The following KDM2B variants were observed in gnomAD, a reference collection of about 807,000 sequenced individuals.
KDM2B encodes the protein lysine-specific demethylase 2B.
A neutral mutation model predicts 150.0 loss-of-function variants in KDM2B; 26 were observed. The observed-to-expected ratio is 0.17, with a 90% CI of 0.13 to 0.24. KDM2B has a LOEUF of 0.24. Ranked by LOEUF, KDM2B falls within the 10% of genes least tolerant of loss-of-function variation. KDM2B has a pLI of 1.00. For synonymous variants in KDM2B, 734 were observed against 729.5 expected (o/e 1.01, Z -0.10); for missense variants, 1,265 against 1,816.9 (o/e 0.70, Z 5.52).
In KDM2B at chr12:121,513,193, G is replaced by C. The variant is rs1052557559; in HGVS notation, c.1174+83C>G. ...GATTCAACGAATCCCCAAAACTCAGGGAGTGTCTCCAGGCCCCACTGAGAA... is the reference window on the plus strand; with the variant it reads ...GATTCAACGAATCCCCAAAACTCAGCGAGTGTCTCCAGGCCCCACTGAGAA... On this transcript the variant is annotated intron_variant, in intron 10 of 22. Coordinates refer to ENST00000377071, the MANE Select transcript of KDM2B (RefSeq NM_032590.5). The surrounding 1 kb of genome is among the most constrained non-coding windows in gnomAD (Gnocchi z 5.0). The C allele has an allele frequency of 1.9e-5, 28 of 1,503,398 alleles. No homozygotes were observed. Among genetic ancestry groups the C allele is most frequent in the Non-Finnish European group, 2.6e-5 (28 of 1,091,908 alleles). The allele number at this position is 1,503,398 out of a possible 1,614,324, so 93.1% of individuals were successfully genotyped here.
chr12:121,513,231 C>T lies in KDM2B; in HGVS notation c.1174+45G>A. The T allele has an allele frequency of 6.3e-7, 1 of 1,598,678 alleles. No homozygotes were observed. The highest frequency in any genetic ancestry group is 8.6e-7 in the Non-Finnish European group (1 of 1,168,110). On this transcript the variant is annotated intron_variant, in intron 10 of 22. Transcript: ENST00000377071. This position sits in a 1 kb window ranked among gnomAD's most constrained non-coding sequence, Gnocchi z 5.0. Reference sequence around the variant, plus strand: ...GCCCCACTGAGAAAATGATTTCTGCCCCAGCTGTGCAGCCGAGGCCGTGGG... The same window carrying T: ...GCCCCACTGAGAAAATGATTTCTGCTCCAGCTGTGCAGCCGAGGCCGTGGG...
intron 19 of KDM2B, among the ~76,000 whole-genome samples, chr12:121,441,551 C>T (rs782811514): frequency 2.6e-5 from 4 of 152,186 alleles, no homozygotes; most frequent in Non-Finnish European, 5.9e-5. Flanking sequence ...ATTCTCCTGC[C>T]TCAGCCTCCC....
chr12:121,498,871 G>A (rs886973537), intron 11 of KDM2B, among the ~76,000 whole-genome samples: 6 of 151,872 alleles, frequency 4.0e-5, no homozygotes, highest in African/African-American at 9.7e-5. Flanking sequence ...TGAGTGCTGC[G>A]GTGTGATCAC....
intron 11 of KDM2B, among the ~76,000 whole-genome samples, chr12:121,505,477 A>C (rs1884986897): frequency 6.6e-6 from 1 of 151,960 alleles, no homozygotes. Context: ...CTGTCTCTAC[A>C]AAAAAGCTGT....
chr12:121,502,678 T>A (rs1884678078), intron 11 of KDM2B, among the ~76,000 whole-genome samples: 1 of 148,154 alleles, frequency 6.7e-6, no homozygotes, highest in East Asian at 2.0e-4. Flanking sequence ...TCCCAGCAGT[T>A]TGAGAGGCTG....
chr12:121,516,960 G>C lies in KDM2B; in HGVS notation c.1048-3558C>G. The C allele has an allele frequency of 4.7e-6, 3 of 632,590 alleles. No individual in the cohort carries two copies. The South Asian group carries it at 5.6e-5, about 12-fold the overall frequency. The allele number at this position is 632,590 out of a possible 1,614,324, so 39.2% of individuals were successfully genotyped here. A position where few individuals can be genotyped will look rare whatever the true frequency, so the allele number is the denominator to read the frequency against. ...GTAAATTATTTGCAATTTCCAAATA[G>C]ATTCAGTGGCTGTAAGGGAATGGGG... On this transcript the variant is annotated intron_variant, in intron 9 of 22. Coordinates refer to ENST00000377071, the MANE Select transcript of KDM2B (RefSeq NM_032590.5).
intron 4 of KDM2B, among the ~76,000 whole-genome samples, chr12:121,563,820 C>T (rs1378403095): frequency 5.3e-5 from 8 of 151,686 alleles, no homozygotes; most frequent in African/African-American, 1.7e-4. Flanking sequence ...TCACTTGAAC[C>T]TGGGAGGCAG....
At chr12:121,477,384 T>G (rs1333469586) in intron 12 of KDM2B, among the ~76,000 whole-genome samples, 1 of 151,950 alleles carries the variant, frequency 6.6e-6, no homozygotes, top group East Asian at 1.9e-4. Flanking sequence ...TGTATGTATA[T>G]ATGTATTTAT....
Position 121,429,867 on chromosome 12 carries a change from TC to T in KDM2B, c.*420del. The T allele has an allele frequency of 1.7e-6, 1 of 571,868 alleles. No homozygotes were observed. The highest frequency in any genetic ancestry group is 3.2e-5 in the Admixed American group (1 of 31,504). The allele number at this position is 571,868 out of a possible 1,614,324, so 35.4% of individuals were successfully genotyped here. ...AAAACCAACCAAACAAAAAAAAGTG[TC>T]AAGACGGCAGCAGATGTGGTGTGTG... is the stretch of plus-strand genomic sequence containing the variant. On this transcript the variant is annotated 3_prime_UTR_variant, in exon 23 of 23. Coordinates refer to ENST00000377071, the MANE Select transcript of KDM2B (RefSeq NM_032590.5).
chr12:121,572,883 T>C lies in KDM2B; in HGVS notation c.397+1664A>G, dbSNP rs368980532. ...CTCCGTCACCCAGGCTGGAGTGCAG[T>C]GGCACGATCTCGGCTCACCACAACC... On this transcript the variant is annotated intron_variant, in intron 4 of 22. Transcript: ENST00000377071. Among the ~76,000 whole-genome samples the C allele has an allele frequency of 3.6e-4, 53 of 148,380 alleles. No homozygotes were observed. In the East Asian group the frequency reaches 0.01, roughly 28 times the overall value.
chr12:121,579,965 T>TAAAA, intron 1 of KDM2B: 3 of 1,306,632 alleles, frequency 2.3e-6, no homozygotes, highest in Non-Finnish European at 3.0e-6. Flanking sequence ...AAAAAAGATC[T>TAAAA]ATCATATGCC....
At chr12:121,558,869 G>A (rs1890113771) in intron 4 of KDM2B, among the ~76,000 whole-genome samples, 1 of 152,158 alleles carries the variant, frequency 6.6e-6, no homozygotes, top group African/African-American at 2.4e-5. Context: ...GGGATTACAG[G>A]CATGAACCAT....
intron 21 of KDM2B, 151 bp downstream of exon 21, chr12:121,440,665 C>A (rs1350799110): frequency 8.1e-6 from 6 of 739,540 alleles, no homozygotes; most frequent in East Asian, 8.0e-5. Context: ...CCTCCCAGAT[C>A]CCCTCTGTGC....
intron 6 of KDM2B, among the ~76,000 whole-genome samples, chr12:121,542,160 C>T (rs1157250478): frequency 6.6e-6 from 1 of 152,176 alleles, no homozygotes; most frequent in African/African-American, 2.4e-5. Context: ...CTATGGGGAA[C>T]CCACTGCCAT....
At chr12:121,479,240 A>G (rs1380271611) in intron 12 of KDM2B, among the ~76,000 whole-genome samples, 3 of 151,680 alleles carry the variant, frequency 2.0e-5, no homozygotes, top group Non-Finnish European at 4.4e-5. Context: ...ATGAGGTCAG[A>G]AGATCGAGAC....
At chr12:121,483,274 A>T (rs938306913) in intron 12 of KDM2B, among the ~76,000 whole-genome samples, 1 of 151,896 alleles carries the variant, frequency 6.6e-6, no homozygotes, top group East Asian at 1.9e-4. Flanking sequence ...AAAAAAATTT[A>T]AAAATATAAA....
intron 4 of KDM2B, among the ~76,000 whole-genome samples, chr12:121,571,520 A>T (rs1430828703): frequency 6.6e-6 from 1 of 151,580 alleles, no homozygotes; most frequent in Non-Finnish European, 1.5e-5. Flanking sequence ...ACTTGAGGTC[A>T]GGACCTCAAG....
chr12:121,490,806 TAA>T (rs1566331552), intron 12 of KDM2B, among the ~76,000 whole-genome samples: 1 of 152,168 alleles, frequency 6.6e-6, no homozygotes, highest in African/African-American at 2.4e-5. Flanking sequence ...TCACAGCACC[TAA>T]TCAGTTCCAG....
chr12:121,497,148 C>T (rs1884051796), intron 11 of KDM2B, among the ~76,000 whole-genome samples: 1 of 151,996 alleles, frequency 6.6e-6, no homozygotes, highest in Non-Finnish European at 1.5e-5. Context: ...GGGTTTAAAT[C>T]CCAGCCCCGG....
Sources: allele counts gnomAD v4.1 joint callset (sites outside exome capture counted in the v4.1 genomes callset), GRCh38; gene constraint gnomAD v4.1.1; non-coding constraint Gnocchi (gnomAD v3.1); transcripts MANE v1.5; gene names NCBI Gene and HGNC (gene_info 2026-07-23, HGNC 2026-07-21).